The following GALNT13 variants were observed in gnomAD, a reference collection of about 807,000 sequenced individuals.
GALNT13 encodes UDP-GalNAc:polypeptide N-acetylgalactosaminyltransferase 13.
A neutral mutation model predicts 64.2 loss-of-function variants in GALNT13; 28 were observed. The ratio of observed to expected loss-of-function variants is 0.44; its 90% CI spans 0.32 to 0.60. The LOEUF is 0.60. GALNT13 is among the 20% of genes least tolerant of loss of function. The pLI, the probability that GALNT13 is intolerant of heterozygous loss-of-function variation, is 0.05. For synonymous variants in GALNT13, 214 were observed against 224.6 expected (o/e 0.95, Z 0.42); for missense variants, 577 against 669.8 (o/e 0.86, Z 1.53).
At chr2:153,524,380 C>G in the GALNT13 span, among the ~76,000 whole-genome samples, 2 of 145,604 alleles carry the variant, frequency 1.4e-5, no homozygotes, top group South Asian at 4.3e-4. Context: ...ACCAATTATT[C>G]CCCCTGCAAG....
At chr2:154,190,395 T>C (rs898018617) in intron 4 of GALNT13, among the ~76,000 whole-genome samples, 5 of 152,228 alleles carry the variant, frequency 3.3e-5, no homozygotes, top group African/African-American at 9.6e-5. Context: ...ATCACAGCAC[T>C]ATGTGATTAA....
intron 2 of GALNT13, among the ~76,000 whole-genome samples, chr2:153,904,633 A>G (rs966256473): frequency 3.3e-5 from 5 of 151,762 alleles, no homozygotes; most frequent in Non-Finnish European, 7.4e-5. Context: ...GTATTTTTCT[A>G]TTGTGTTGAT....
chr2:154,442,902 A>T (rs762428193), intron 12 of GALNT13, among the ~76,000 whole-genome samples: 1 of 152,186 alleles, frequency 6.6e-6, no homozygotes, highest in Non-Finnish European at 1.5e-5. Context: ...GACTTAGAAA[A>T]TACTTGTTGT....
chr2:153,728,041 A>C, the GALNT13 span, among the ~76,000 whole-genome samples: 1 of 152,208 alleles, frequency 6.6e-6, no homozygotes, highest in African/African-American at 2.4e-5. Context: ...GATGGCTTCC[A>C]GCTTCATCCA....
the GALNT13 span, among the ~76,000 whole-genome samples, chr2:153,603,807 G>A: frequency 2.0e-5 from 3 of 151,904 alleles, no homozygotes; most frequent in Admixed American, 6.6e-5. Context: ...AGAGCCCAAG[G>A]CTTAGCTGTC....
intron 4 of GALNT13, among the ~76,000 whole-genome samples, chr2:154,233,281 TC>T (rs1211482785): frequency 6.6e-6 from 1 of 152,048 alleles, no homozygotes; most frequent in Non-Finnish European, 1.5e-5. Flanking sequence ...TTAAGGAAGG[TC>T]TTTTAATGTA....
intron 8 of GALNT13, among the ~76,000 whole-genome samples, chr2:154,273,771 A>G (rs375347590): frequency 2.1e-4 from 32 of 152,284 alleles, no homozygotes; most frequent in African/African-American, 7.0e-4. Context: ...AAATCACCTA[A>G]TGGTGCATTC....
At chr2:153,534,526 C>CTTTTTTTT in the GALNT13 span, among the ~76,000 whole-genome samples, 1 of 138,750 alleles carries the variant, frequency 7.2e-6, no homozygotes, top group Non-Finnish European at 1.5e-5. Flanking sequence ...TTCTTTCTTT[C>CTTTTTTTT]TTTTTTTTTT....
At chr2:153,142,813 T>C in the GALNT13 span, among the ~76,000 whole-genome samples, 1 of 151,908 alleles carries the variant, frequency 6.6e-6, no homozygotes, top group Non-Finnish European at 1.5e-5. Flanking sequence ...TGTTAGGAGA[T>C]ATGAAATCAA....
chr2:154,110,372 G>GAGAGAGAGAC (rs1702908874), intron 3 of GALNT13, among the ~76,000 whole-genome samples: 3 of 98,992 alleles, frequency 3.0e-5, no homozygotes, highest in Admixed American at 9.9e-5. Flanking sequence ...GAGAGAGAGA[G>GAGAGAGAGAC]AGAGACAGAG....
the GALNT13 span, among the ~76,000 whole-genome samples, chr2:153,222,307 T>TGGGGGTGGGGGGC: frequency 6.3e-4 from 4 of 6,326 alleles, no homozygotes; most frequent in African/African-American, 1.4e-3. Context: ...TGAGTCTGGC[T>TGGGGGTGGGGGGC]GGGGGGGGGG....
intron 4 of GALNT13, among the ~76,000 whole-genome samples, chr2:154,146,688 GA>G (rs1408878393): frequency 2.0e-5 from 3 of 152,020 alleles, no homozygotes; most frequent in Non-Finnish European, 4.4e-5. Context: ...CTCATACCAG[GA>G]GGAGAAGAGC....
chr2:153,222,327 T>TGGGGGGGGGGGGGGGGGGGGGGGGG, the GALNT13 span, among the ~76,000 whole-genome samples: 1 of 95,582 alleles, frequency 1.0e-5, no homozygotes, highest in Non-Finnish European at 2.1e-5. Context: ...GGGGGGGGGG[T>TGGGGGGGGGGGGGGGGGGGGGGGGG]GGGGTGGGGG....
chr2:154,111,604 G>A (rs541366725), intron 3 of GALNT13, among the ~76,000 whole-genome samples: 12 of 152,216 alleles, frequency 7.9e-5, no homozygotes, highest in Admixed American at 2.0e-4. Flanking sequence ...GTAAGGTCAC[G>A]GGAGCAGGAA....
intron 9 of GALNT13, among the ~76,000 whole-genome samples, chr2:154,386,261 A>C (rs912602367): frequency 1.3e-5 from 2 of 152,050 alleles, no homozygotes; most frequent in Non-Finnish European, 1.5e-5. Flanking sequence ...GGGTTTATAT[A>C]GCAGGGGAAA....
chr2:153,316,192 A>G, the GALNT13 span, among the ~76,000 whole-genome samples: 1 of 152,182 alleles, frequency 6.6e-6, no homozygotes, highest in African/African-American at 2.4e-5. Context: ...TGGGGCAATC[A>G]GAACTCTCAA....
At chr2:153,703,071 CAT>C in the GALNT13 span, among the ~76,000 whole-genome samples, 1 of 152,136 alleles carries the variant, frequency 6.6e-6, no homozygotes, top group African/African-American at 2.4e-5. Context: ...TGAGTGATTA[CAT>C]GAGTCAAGGG....
rs555878312 is a variant in GALNT13, at chr2:154,319,744, AT to A, written c.1156+18156del. Among the ~76,000 whole-genome samples, 129 of 152,266 alleles carry A rather than the reference AT, an allele frequency of 8.5e-4. 2 individuals carry two copies. The Middle Eastern group carries it at 0.017, about 20-fold the overall frequency. On this transcript the variant is annotated intron_variant, in intron 9 of 12. Transcript: ENST00000392825. ...GCTTTGATGATACTTTATTCTAAAAATATCAGTTAAATTGAGCATTAGTTGA... is the reference window on the plus strand; with the variant it reads ...GCTTTGATGATACTTTATTCTAAAAAATCAGTTAAATTGAGCATTAGTTGA...
At chr2:154,363,223 T>C (rs2105290515) in intron 9 of GALNT13, among the ~76,000 whole-genome samples, 1 of 152,326 alleles carries the variant, frequency 6.6e-6, no homozygotes, top group African/African-American at 2.4e-5. Flanking sequence ...TCCAACCAGC[T>C]CACCCCAGTT....
Sources: gnomAD v4.1 joint callset for allele counts (sites outside exome capture counted in the v4.1 genomes callset) on GRCh38, gnomAD v4.1.1 for gene constraint, MANE v1.5 for transcripts, NCBI Gene and HGNC (gene_info 2026-07-23, HGNC 2026-07-21) for gene names.